Variants in SEMA6D observed in about 807,000 individuals in gnomAD.
SEMA6D encodes the protein semaphorin 6D, also known as semaphorin-6D.
In SEMA6D, 35 loss-of-function variants were observed where a neutral mutation model predicts 106.6. That is an observed-to-expected ratio of 0.33 (90% CI 0.25 to 0.44). The LOEUF is 0.44. SEMA6D is among the 20% of genes least tolerant of loss of function. The pLI is 1.00. For missense variants in SEMA6D, 1,185 were observed against 1,345.9 expected (o/e 0.88, Z 1.87); for synonymous variants, 499 against 487.7 (o/e 1.02, Z -0.31).
intron 1 of SEMA6D, among the ~76,000 whole-genome samples, chr15:47,267,480 A>G (rs1015561552): frequency 1.3e-5 from 2 of 151,986 alleles, no homozygotes; most frequent in African/African-American, 4.8e-5. Flanking sequence ...TCTTCACTTA[A>G]GAGTACATTT....
intron 18 of SEMA6D, among the ~76,000 whole-genome samples, chr15:47,769,452 A>G (rs771376476): frequency 2.0e-5 from 3 of 152,138 alleles, no homozygotes; most frequent in Non-Finnish European, 4.4e-5. Flanking sequence ...AACCAATTTT[A>G]TAATCATTCT....
intron 1 of SEMA6D, among the ~76,000 whole-genome samples, chr15:47,239,839 T>A (rs1167354318): frequency 6.6e-6 from 1 of 152,210 alleles, no homozygotes; most frequent in Non-Finnish European, 1.5e-5. Flanking sequence ...TTAGTTCCTG[T>A]CTCATTGTAA....
chr15:47,595,164 TAAAAATCAACTTTTCACCA>T (rs2076510546), intron 3 of SEMA6D, among the ~76,000 whole-genome samples: 1 of 152,208 alleles, frequency 6.6e-6, no homozygotes, highest in South Asian at 2.1e-4. Context: ...ACATTTATTT[TAAAAATCAACTTTTCACCA>T]TTGAGGTTAA....
At chr15:47,767,450 T>C (rs1384319579) in intron 17 of SEMA6D, 1 of 175,462 alleles carries the variant, frequency 5.7e-6, no homozygotes, top group Non-Finnish European at 1.2e-5. Flanking sequence ...ATTTCATTAT[T>C]TTCCCCATCT....
rs998044429 is a variant in SEMA6D at position 47,730,780 on chromosome 15, C to T, written c.-55+13088C>T. 47 of 1,594,802 alleles carry T rather than the reference C, an allele frequency of 2.9e-5. No individual in the cohort carries two copies. In the Admixed American group the frequency reaches 5.3e-4, roughly 18 times the overall value. On this transcript the variant is annotated intron_variant, in intron 1 of 18. Transcript: ENST00000536845. ...GATATAGTGGGGCCATTTCACAAAG[C>T]GGGTGAGGTCTCTTTTGGGCTGGAT...
At chr15:47,207,296 T>C (rs528999591) in intron 1 of SEMA6D, among the ~76,000 whole-genome samples, 1 of 152,322 alleles carries the variant, frequency 6.6e-6, no homozygotes, top group Admixed American at 6.5e-5. Flanking sequence ...CTTGACCTTC[T>C]TATTTCCTCC....
chr15:47,539,319 C>T (rs1437789171), intron 3 of SEMA6D, among the ~76,000 whole-genome samples: 1 of 152,002 alleles, frequency 6.6e-6, no homozygotes, highest in Non-Finnish European at 1.5e-5. Flanking sequence ...GAAATAGGCT[C>T]ACATAATCAA....
chr15:47,484,228 A>G (rs1310564017), intron 3 of SEMA6D, among the ~76,000 whole-genome samples: 1 of 152,122 alleles, frequency 6.6e-6, no homozygotes, highest in Non-Finnish European at 1.5e-5. Flanking sequence ...TTTTGGCAGT[A>G]GGAGTTATCT....
chr15:47,470,763 A>G (rs1236703386), intron 3 of SEMA6D, among the ~76,000 whole-genome samples: 1 of 144,852 alleles, frequency 6.9e-6, no homozygotes, highest in Non-Finnish European at 1.5e-5. Flanking sequence ...AACTACAAGT[A>G]TTATTATTAT....
intron 1 of SEMA6D, among the ~76,000 whole-genome samples, chr15:47,400,504 T>A (rs1354781819): frequency 1.1e-4 from 12 of 105,410 alleles, no homozygotes; most frequent in South Asian, 2.8e-4. Context: ...AAAAAAAAAA[T>A]CCTTCCTATA....
chr15:47,436,859 A>G (rs973374040), intron 2 of SEMA6D, among the ~76,000 whole-genome samples: 5 of 150,364 alleles, frequency 3.3e-5, no homozygotes, highest in Middle Eastern at 3.2e-3. Context: ...ACTTAAACCC[A>G]GAAGGTTGAG....
chr15:47,537,373 T>C (rs2045202286), intron 3 of SEMA6D, among the ~76,000 whole-genome samples: 1 of 152,126 alleles, frequency 6.6e-6, no homozygotes, highest in African/African-American at 2.4e-5. Flanking sequence ...TAAATAAGTG[T>C]TCAAGGTAGA....
intron 1 of SEMA6D, among the ~76,000 whole-genome samples, chr15:47,349,440 G>A (rs1382264308): frequency 1.3e-5 from 2 of 152,068 alleles, no homozygotes; most frequent in Non-Finnish European, 2.9e-5. Context: ...TCGCAGATGT[G>A]GGCCCCACCA....
At chr15:47,347,157 C>T (rs489692) in intron 1 of SEMA6D, among the ~76,000 whole-genome samples, 70,736 of 151,776 alleles carry the variant, frequency 0.47, 19,560 homozygotes, top group South Asian at 0.61. Flanking sequence ...ATCCGCCCGC[C>T]TCAGCCTCCC....
intron 1 of SEMA6D, among the ~76,000 whole-genome samples, chr15:47,722,036 A>G (rs2079452432): frequency 6.6e-6 from 1 of 152,168 alleles, no homozygotes; most frequent in Admixed American, 6.5e-5. Context: ...GTTAACACCC[A>G]GAACGGGAAG....
At chr15:47,301,508 TTGTGAAGAGGCAGG>T (rs1360975727) in intron 1 of SEMA6D, among the ~76,000 whole-genome samples, 46 of 152,308 alleles carry the variant, frequency 3.0e-4, no homozygotes, top group Admixed American at 2.6e-3. Flanking sequence ...CCTTGGCTGT[TTGTGAAGAGGCAGG>T]TGGCCCTGAA....
At chr15:47,571,116 G>A (rs142956249) in intron 3 of SEMA6D, among the ~76,000 whole-genome samples, 1 of 152,186 alleles carries the variant, frequency 6.6e-6, no homozygotes, top group African/African-American at 2.4e-5. Context: ...CTGTGTCTCA[G>A]TCTTTATCTT....
At chr15:47,613,845 G>C (rs1459655398) in intron 4 of SEMA6D, among the ~76,000 whole-genome samples, 1 of 151,912 alleles carries the variant, frequency 6.6e-6, no homozygotes, top group East Asian at 1.9e-4. Context: ...ATTTTTAGTA[G>C]AGATGGGGTT....
intron 1 of SEMA6D, among the ~76,000 whole-genome samples, chr15:47,279,291 G>A (rs1049062555): frequency 2.0e-5 from 2 of 100,258 alleles, no homozygotes; most frequent in African/African-American, 4.8e-5. Context: ...TGAAGCAATT[G>A]TGAATGGGAG....
Sources: gnomAD v4.1 joint callset for allele counts (sites outside exome capture counted in the v4.1 genomes callset) on GRCh38, gnomAD v4.1.1 for gene constraint, MANE v1.5 for transcripts, NCBI Gene and HGNC (gene_info 2026-07-23, HGNC 2026-07-21) for gene names.